NGB: variants seen among roughly 807,000 people sequenced by gnomAD.
NGB encodes neuroglobin.
In NGB, 12 loss-of-function variants were observed where a neutral mutation model predicts 17.3. That is an observed-to-expected ratio of 0.69 (90% CI 0.45 to 1.13). The LOEUF is 1.13. Among genes scored for constraint, NGB ranks in the 50% most tolerant of loss-of-function variants. NGB has a pLI of 0.00. For missense variants in NGB, 195 were observed against 191.7 expected (o/e 1.02, Z -0.10); for synonymous variants, 87 against 81.0 (o/e 1.07, Z -0.40).
rs772909846 is a variant in NGB at position 77,266,312 on chromosome 14, T to C, written c.*224A>G. The C allele has an allele frequency of 1.7e-5, 13 of 775,160 alleles. No individual in the cohort carries two copies. The highest frequency in any genetic ancestry group is 1.7e-5 in the Non-Finnish European group (7 of 416,496). The allele number at this position is 775,160 out of a possible 1,614,324, so 48.0% of individuals were successfully genotyped here. A position where few individuals can be genotyped will look rare whatever the true frequency, so the allele number is the denominator to read the frequency against. On this transcript the variant is annotated 3_prime_UTR_variant, in exon 4 of 4. Coordinates refer to ENST00000298352, the MANE Select transcript of NGB (RefSeq NM_021257.4). ...GTAAAAAGAAACGCAAGAAAGAGGCTACTGGGGATGAGGGGACACCCAGAA... is the reference window on the plus strand; with the variant it reads ...GTAAAAAGAAACGCAAGAAAGAGGCCACTGGGGATGAGGGGACACCCAGAA...
At chr14:77,268,350 C>T in intron 3 of NGB, 116 bp downstream of exon 3, 1 of 1,152,066 alleles carries the variant, frequency 8.7e-7, no homozygotes, top group Non-Finnish European at 1.2e-6. Flanking sequence ...GGCCCGCAGC[C>T]CTGGTTATCT....
At chr14:77,268,743 T>C (rs1889708806) in intron 2 of NGB, among the ~76,000 whole-genome samples, 158 bp from the exon 3 acceptor site, 1 of 152,178 alleles carries the variant, frequency 6.6e-6, no homozygotes, top group Non-Finnish European at 1.5e-5. Flanking sequence ...CTACTACATG[T>C]AGGGGGCACC....
chr14:77,270,184 C>T (rs559091968), intron 1 of NGB, among the ~76,000 whole-genome samples: 6 of 152,130 alleles, frequency 3.9e-5, no homozygotes, highest in African/African-American at 9.6e-5. Flanking sequence ...AAGCAGTGCC[C>T]GGTTGGTGAT....
At chr14:77,269,023 G>A (rs1020422573) in intron 2 of NGB, among the ~76,000 whole-genome samples, 192 bp downstream of exon 2, 2 of 152,366 alleles carry the variant, frequency 1.3e-5, no homozygotes, top group African/African-American at 4.8e-5. Context: ...CTCTCTGAAC[G>A]CAGGGTAGGG....
chr14:77,267,295 C>T (rs921156223), intron 3 of NGB, among the ~76,000 whole-genome samples: 3 of 152,210 alleles, frequency 2.0e-5, no homozygotes, highest in Non-Finnish European at 4.4e-5. Flanking sequence ...AATCCCAGCA[C>T]TTTAGGAGGC....
intron 2 of NGB, 52 bp downstream of exon 2, chr14:77,269,163 G>A: frequency 8.7e-7 from 1 of 1,149,566 alleles, no homozygotes; most frequent in Admixed American, 2.0e-5. Flanking sequence ...TCTCCACCAG[G>A]GAGGTGCTCT....
chr14:77,269,806 C>CTCT, intron 1 of NGB, among the ~76,000 whole-genome samples: 2 of 97,674 alleles, frequency 2.0e-5, no homozygotes, highest in East Asian at 2.6e-4. Context: ...CCCCCCCCCC[C>CTCT]CCCCCCCCCC....
Position 77,266,151 on chromosome 14 carries a change from C to A in NGB, c.*385G>T, listed in dbSNP as rs563395522. ...GCTGGAAGCTCAGCCATCTCACCCCCGCCTTGGCCTGCACTCACCTGAAGA... is the reference window on the plus strand; with the variant it reads ...GCTGGAAGCTCAGCCATCTCACCCCAGCCTTGGCCTGCACTCACCTGAAGA... On this transcript the variant is annotated 3_prime_UTR_variant, in exon 4 of 4. Transcript: ENST00000298352. 2 of 518,080 alleles carry A rather than the reference C, an allele frequency of 3.9e-6. No individual in the cohort carries two copies. The highest frequency in any genetic ancestry group is 1.1e-4 in the East Asian group (2 of 18,242). 32.1% of individuals were successfully genotyped at this position (518,080 alleles called of 1,614,324 possible).
chr14:77,267,673 C>A (rs543644587), intron 3 of NGB, among the ~76,000 whole-genome samples: 1 of 152,128 alleles, frequency 6.6e-6, no homozygotes, highest in African/African-American at 2.4e-5. Context: ...GTAGATCAGG[C>A]ACTATGCTGG....
Position 77,269,288 on chromosome 14 carries a change from T to A in NGB, c.128A>T (p.Gln43Leu), listed in dbSNP as rs770033097. The A allele has an allele frequency of 6.4e-7, 1 of 1,551,750 alleles. No homozygotes were observed. The highest frequency in any genetic ancestry group is 8.7e-7 in the Non-Finnish European group (1 of 1,146,912). Reference protein sequence around the residue: ...ALEPDLLPLFQYNCRQFSSPE... With the variant: ...ALEPDLLPLFLYNCRQFSSPE... Reference sequence around the variant, plus strand: ...GCTGGAGAACTGGCGGCAGTTGTACTGGAAGAGGGGCAGCAGGTCAGGCTC... The same window carrying A: ...GCTGGAGAACTGGCGGCAGTTGTACAGGAAGAGGGGCAGCAGGTCAGGCTC... The change falls in exon 2 of 4, where the codon CAG (glutamine) becomes CTG (leucine). Residue 43 changes from glutamine to leucine, a missense_variant. Transcript: ENST00000298352.
intron 1 of NGB, among the ~76,000 whole-genome samples, chr14:77,269,788 TCCCTCTC>T (rs1889738769): frequency 4.1e-5 from 2 of 48,634 alleles, no homozygotes; most frequent in African/African-American, 1.8e-4. Flanking sequence ...TCTCTCCCTC[TCCCTCTC>T]CCCCCCCCCC....
Position 77,266,432 on chromosome 14 carries a change from G to A in NGB, c.*104C>T. 1 of 1,494,318 alleles carries A rather than the reference G, an allele frequency of 6.7e-7. No individual in the cohort carries two copies. Among genetic ancestry groups the A allele is most frequent in the East Asian group, 2.3e-5 (1 of 43,982 alleles). The allele number at this position is 1,494,318 out of a possible 1,614,324, so 92.6% of individuals were successfully genotyped here. A position where few individuals can be genotyped will look rare whatever the true frequency, so the allele number is the denominator to read the frequency against. On this transcript the variant is annotated 3_prime_UTR_variant, in exon 4 of 4. Transcript: ENST00000298352. ...CATCACCTCTCCAGTGTGGCCAAGG[G>A]GACAAGGACCAAGATGCAGGGAAGC...
chr14:77,268,789 A>G (rs1229466380), intron 2 of NGB, among the ~76,000 whole-genome samples: 2 of 152,190 alleles, frequency 1.3e-5, no homozygotes, highest in South Asian at 4.1e-4. Context: ...TGTTATACCC[A>G]TGAAGGAAGC....
intron 1 of NGB, among the ~76,000 whole-genome samples, chr14:77,269,704 CT>C (rs1889732051): frequency 2.4e-3 from 3 of 1,266 alleles, no homozygotes; most frequent in East Asian, 0.016. Flanking sequence ...CTCTCTCTCT[CT>C]CTCTCTCTCT....
chr14:77,266,692 T>C (rs750573978), intron 3 of NGB, 22 bp from the exon 4 acceptor site: 20 of 1,610,946 alleles, frequency 1.2e-5, no homozygotes, highest in Admixed American at 1.7e-5. Context: ...AGGGGCACCT[T>C]GTCACTTCCA....
chr14:77,268,723 C>A (rs1024792865), intron 2 of NGB, 138 bp from the exon 3 acceptor site: 5 of 1,184,492 alleles, frequency 4.2e-6, no homozygotes, highest in Admixed American at 2.1e-5. Flanking sequence ...GGGTCAAAGG[C>A]AGCCTGTGTC....
In NGB at chr14:77,266,265, G is replaced by A. The variant is rs1889667816; in HGVS notation, c.*271C>T. 1 of 677,120 alleles carries A rather than the reference G, an allele frequency of 1.5e-6. No homozygotes were observed. The highest frequency in any genetic ancestry group is 2.8e-6 in the Non-Finnish European group (1 of 352,430). The allele number at this position is 677,120 out of a possible 1,614,324, so 41.9% of individuals were successfully genotyped here. On this transcript the variant is annotated 3_prime_UTR_variant, in exon 4 of 4. Coordinates refer to ENST00000298352, the MANE Select transcript of NGB (RefSeq NM_021257.4). ...CTGCCACCAAAACACTCATCGCGGG[G>A]TCAGAGGGAGTGCCAAAAAAGGTAA...
In NGB at chr14:77,265,913, C is replaced by A; in HGVS notation, c.*623G>T. 1 of 186,040 alleles carries A rather than the reference C, an allele frequency of 5.4e-6. No individual in the cohort carries two copies. Among genetic ancestry groups the A allele is most frequent in the East Asian group, 1.2e-4 (1 of 8,096 alleles). 11.5% of individuals were successfully genotyped at this position (186,040 alleles called of 1,614,324 possible). ...GAAAGGGAATGCCGCCAAAGGAAACCGACTCTGTCAGGGCATCTGCACAGC... is the reference window on the plus strand; with the variant it reads ...GAAAGGGAATGCCGCCAAAGGAAACAGACTCTGTCAGGGCATCTGCACAGC... On this transcript the variant is annotated 3_prime_UTR_variant, in exon 4 of 4. Coordinates refer to ENST00000298352, the MANE Select transcript of NGB (RefSeq NM_021257.4). This position sits in a 1 kb window ranked among gnomAD's most constrained non-coding sequence, Gnocchi z 4.7.
Sources: gnomAD v4.1 joint callset for allele counts (sites outside exome capture counted in the v4.1 genomes callset) on GRCh38, gnomAD v4.1.1 for gene constraint, Gnocchi (gnomAD v3.1) non-coding constraint, MANE v1.5 for transcripts, NCBI Gene and HGNC (gene_info 2026-07-23, HGNC 2026-07-21) for gene names.